USH2A: variants seen among roughly 807,000 people sequenced by gnomAD.
USH2A encodes the protein usherin, also known as Usher syndrome 2A (autosomal recessive, mild).
USH2A carries 443 observed loss-of-function variants against 538.9 expected under a neutral mutation model. The observed-to-expected ratio is 0.82, with a 90% CI of 0.76 to 0.89. USH2A has a LOEUF of 0.89. Among genes scored for constraint, USH2A ranks in the 40% least tolerant of loss-of-function variants. The probability of loss-of-function intolerance (pLI) is 0.00; values close to 1 mark genes in which losing one functional copy is unlikely to be tolerated. For missense variants in USH2A, 6,633 were observed against 6,324.8 expected (o/e 1.05, Z -1.65); for synonymous variants, 2,413 against 2,273.5 (o/e 1.06, Z -1.75).
At chr1:216,150,451 C>T (rs940323737) in intron 21 of USH2A, among the ~76,000 whole-genome samples, 65 of 151,470 alleles carry the variant, frequency 4.3e-4, no homozygotes, top group African/African-American at 1.4e-3. Flanking sequence ...CCATTCTCTC[C>T]TAGCTGCTTC....
Position 215,650,731 on chromosome 1 carries a change from G to T in USH2A, c.14204C>A (p.Pro4735Gln). The stretch of plus-strand genomic sequence containing the variant: ...GAACGTGGGGGCTCTGAGACCTTCT[G>T]GTGGGGCTGGCCCGGTTCTGCACCA... Reference protein sequence around the residue: ...WTWCRTGPAPPEGLRAPTFHV... With the variant: ...WTWCRTGPAPQEGLRAPTFHV... Residue 4735 changes from proline (P) to glutamine (Q), a missense_variant, in exon 65 of 72, where the codon CCA (proline) becomes CAA (glutamine). Physicochemically the swap from Pro to Gln is moderately conservative, Grantham distance 76. Transcript: ENST00000307340. 1.2e-6 allele frequency: 2 copies of T among 1,613,944 alleles called. No homozygotes were observed. Among genetic ancestry groups the T allele is most frequent in the South Asian group, 2.2e-5 (2 of 91,066 alleles).
rs67390722 is a variant in USH2A, at chr1:216,159,571, C to CACACACACAG, written c.4627+15680_4627+15681insCTGTGTGTGT. Among the ~76,000 whole-genome samples, 222 of 145,236 alleles carry CACACACACAG rather than the reference C, an allele frequency of 1.5e-3. 2 individuals carry two copies. Among genetic ancestry groups the CACACACACAG allele is most frequent in the African/African-American group, 5.1e-3 (207 of 40,456 alleles). ...ACACACACACACACACACACACACA[C>CACACACACAG]AGAGAATATTAGAATCTACTTTTGT... On this transcript the variant is annotated intron_variant, in intron 21 of 71. Coordinates refer to ENST00000307340, the MANE Select transcript of USH2A (RefSeq NM_206933.4).
chr1:215,817,264 T>A, intron 47 of USH2A, 69 bp from the exon 48 acceptor site: 1 of 1,449,460 alleles, frequency 6.9e-7, no homozygotes, highest in Non-Finnish European at 9.6e-7. Flanking sequence ...CAGTCTTAAG[T>A]AAAAAGTGGC....
Position 216,390,547 on chromosome 1 carries a change from C to T in USH2A, c.652-25462G>A, listed in dbSNP as rs1318475606. Among the ~76,000 whole-genome samples, 9 of 152,228 alleles carry T rather than the reference C, an allele frequency of 5.9e-5. No homozygotes were observed. The East Asian group carries it at 1.5e-3, about 26-fold the overall frequency. ...AATGTTTTGGGTTACATGCATTCTACTGTTCAATTAAAACATTTTAGAATA... is the reference window on the plus strand; with the variant it reads ...AATGTTTTGGGTTACATGCATTCTATTGTTCAATTAAAACATTTTAGAATA... On this transcript the variant is annotated intron_variant, in intron 3 of 71. Transcript: ENST00000307340.
At chr1:215,987,975 C>A (rs1262599033) in intron 35 of USH2A, among the ~76,000 whole-genome samples, 1 of 152,032 alleles carries the variant, frequency 6.6e-6, no homozygotes, top group Non-Finnish European at 1.5e-5. Context: ...TGTTCTTAAT[C>A]TTTTTTTCTA....
intron 70 of USH2A, among the ~76,000 whole-genome samples, chr1:215,632,659 C>G (rs1246091882): frequency 7.2e-5 from 11 of 152,162 alleles, no homozygotes; most frequent in Admixed American, 7.2e-4. Context: ...TTCACCACTC[C>G]ATGCACTCCA....
In USH2A at chr1:216,381,409, G is replaced by T. The variant is rs546497814; in HGVS notation, c.652-16324C>A. ...CATTCTCTGGAGTGTGAGCAATCGT[G>T]AGCATAGTGTTTATTTAAGGAGAGG... is the stretch of plus-strand genomic sequence containing the variant. On this transcript the variant is annotated intron_variant, in intron 3 of 71. Coordinates refer to ENST00000307340, the MANE Select transcript of USH2A (RefSeq NM_206933.4). Among the ~76,000 whole-genome samples, 3 of 152,276 alleles carry T rather than the reference G, an allele frequency of 2.0e-5. No homozygotes were observed. The East Asian group carries it at 5.8e-4, about 29-fold the overall frequency.
intron 61 of USH2A, among the ~76,000 whole-genome samples, chr1:215,688,951 G>A (rs1055827913): frequency 6.6e-6 from 1 of 151,948 alleles, no homozygotes; most frequent in Non-Finnish European, 1.5e-5. Flanking sequence ...GGACTAGGGT[G>A]GTAATGGTAG....
At chr1:216,015,631 C>T (rs1279432768) in intron 32 of USH2A, among the ~76,000 whole-genome samples, 1 of 152,208 alleles carries the variant, frequency 6.6e-6, no homozygotes, top group East Asian at 1.9e-4. Flanking sequence ...TACAGTCCCA[C>T]CAACAGTGTA....
chr1:215,876,892 T>A (rs1443204762), intron 43 of USH2A, among the ~76,000 whole-genome samples: 1 of 152,098 alleles, frequency 6.6e-6, no homozygotes, highest in Non-Finnish European at 1.5e-5. Context: ...AAGAAAGGGA[T>A]GGGAGACAAG....
At chr1:215,978,959 T>G (rs12403934) in intron 35 of USH2A, among the ~76,000 whole-genome samples, 15,827 of 152,200 alleles carry the variant, frequency 0.1, 1,008 homozygotes, top group East Asian at 0.16. Context: ...CTGTTGTTAT[T>G]CCTGTAGCTG....
intron 38 of USH2A, among the ~76,000 whole-genome samples, chr1:215,927,054 T>C (rs975654252): frequency 6.6e-6 from 1 of 152,178 alleles, no homozygotes; most frequent in Admixed American, 6.6e-5. Context: ...AAGAGTCAGC[T>C]GTATTTTTTA....
intron 21 of USH2A, among the ~76,000 whole-genome samples, chr1:216,106,845 T>G (rs1382611726): frequency 6.6e-6 from 1 of 151,934 alleles, no homozygotes; most frequent in Admixed American, 6.6e-5. Context: ...ATGTTATACT[T>G]TATTTTTTGT....
chr1:215,663,505 G>A (rs932259443), intron 64 of USH2A, among the ~76,000 whole-genome samples: 12 of 152,202 alleles, frequency 7.9e-5, no homozygotes, highest in African/African-American at 2.9e-4. Context: ...TGGAGTACTT[G>A]TTCCCGTGGT....
intron 21 of USH2A, among the ~76,000 whole-genome samples, chr1:216,141,290 T>C (rs1384611340): frequency 6.6e-6 from 1 of 152,188 alleles, no homozygotes; most frequent in Non-Finnish European, 1.5e-5. Context: ...GCCATTAAGC[T>C]CTTTTGTATC....
intron 4 of USH2A, among the ~76,000 whole-genome samples, chr1:216,329,972 A>G (rs1173689489): frequency 2.6e-5 from 4 of 152,140 alleles, no homozygotes; most frequent in Non-Finnish European, 5.9e-5. Context: ...AATATTTTAT[A>G]TAACCTCTAG....
At chr1:216,314,028 A>G (rs967724806) in intron 9 of USH2A, among the ~76,000 whole-genome samples, 16 of 152,120 alleles carry the variant, frequency 1.1e-4, no homozygotes, top group South Asian at 2.1e-4. Flanking sequence ...ATTATATTAT[A>G]CCTATGTATG....
chr1:215,628,743 T>C, intron 71 of USH2A, 71 bp downstream of exon 71: 1 of 1,535,262 alleles, frequency 6.5e-7, no homozygotes, highest in Non-Finnish European at 9.0e-7. Flanking sequence ...TTCGGTGAAG[T>C]ACAGGCAGCT....
At chr1:215,716,716 A>G (rs1388322810) in intron 61 of USH2A, among the ~76,000 whole-genome samples, 2 of 152,336 alleles carry the variant, frequency 1.3e-5, no homozygotes, top group South Asian at 2.1e-4. Flanking sequence ...TGAATATTTA[A>G]TAATTCAAGT....
Sources: allele counts gnomAD v4.1 joint callset (sites outside exome capture counted in the v4.1 genomes callset), GRCh38; gene constraint gnomAD v4.1.1; transcripts MANE v1.5; gene names NCBI Gene and HGNC (gene_info 2026-07-23, HGNC 2026-07-21).